VPS50: variants seen among roughly 807,000 people sequenced by gnomAD.
The protein encoded by VPS50 is VPS50 subunit of EARP/GARPII complex.
A neutral mutation model predicts 139.7 loss-of-function variants in VPS50; 70 were observed. The ratio of observed to expected loss-of-function variants is 0.50; its 90% CI spans 0.41 to 0.61. VPS50 has a LOEUF of 0.61. VPS50 is among the 20% of genes least tolerant of loss of function. VPS50 has a pLI of 0.00. For synonymous variants in VPS50, 365 were observed against 376.7 expected (o/e 0.97, Z 0.36); for missense variants, 921 against 1,133.7 (o/e 0.81, Z 2.69).
chr7:93,316,972 A>G (rs994141892), intron 20 of VPS50, among the ~76,000 whole-genome samples: 14 of 152,204 alleles, frequency 9.2e-5, no homozygotes, highest in African/African-American at 3.4e-4. Context: ...ACACAAAAAC[A>G]TGCAACACAA....
rs762383473 is a variant in VPS50, at chr7:93,272,625, A to T, written c.703-10A>T. 7.9e-7 allele frequency: 1 copy of T among 1,268,534 alleles called. No individual in the cohort carries two copies. The allele number at this position is 1,268,534 out of a possible 1,614,324, so 78.6% of individuals were successfully genotyped here. On this transcript the variant is annotated splice_polypyrimidine_tract_variant and intron_variant, in intron 10 of 27. Transcript: ENST00000305866. ...TTAACCATGTCTTGCTTCTTCTTTT[A>T]ATTATATAGGAACAGCTGGACGTAG...
intron 11 of VPS50, among the ~76,000 whole-genome samples, chr7:93,274,923 G>A (rs1796110117): frequency 6.6e-6 from 1 of 152,138 alleles, no homozygotes; most frequent in Admixed American, 6.6e-5. Context: ...ATGAGAGGAG[G>A]TCAAAATAGC....
Position 93,349,903 on chromosome 7 carries a change from A to G in VPS50, c.2333A>G (p.Lys778Arg). Reference sequence around the variant, plus strand: ...GTCTCAACCGCCAGTGAACTACGGAAACCAATTTACTGGATTGTAGCTGGT... The same window carrying G: ...GTCTCAACCGCCAGTGAACTACGGAGACCAATTTACTGGATTGTAGCTGGT... The part of the protein sequence containing the change: ...QTVSTASELR[K>R]PIYWIVAGKA... The change falls in exon 25 of 28, where the codon AAA (lysine) becomes AGA (arginine). Residue 778 changes from lysine (K) to arginine (R), a missense_variant. By Grantham distance (26) the Lys-to-Arg change is conservative. This residue lies in a region of VPS50 where 744 missense variants were observed against 930.6 expected (regional missense o/e 0.80). Coordinates refer to ENST00000305866, the MANE Select transcript of VPS50 (RefSeq NM_017667.4). 1 of 1,613,296 alleles carries G rather than the reference A, an allele frequency of 6.2e-7. No homozygotes were observed.
chr7:93,287,686 C>T (rs570858993), intron 12 of VPS50, among the ~76,000 whole-genome samples: 12 of 152,032 alleles, frequency 7.9e-5, no homozygotes, highest in Admixed American at 4.6e-4. Context: ...CACATTTATG[C>T]GAAGTTGGGC....
In VPS50 at chr7:93,323,731, C is replaced by A; in HGVS notation, c.1976C>A (p.Ser659Ter). The A allele has an allele frequency of 7.1e-7, 1 of 1,402,926 alleles. No homozygotes were observed. Among genetic ancestry groups the A allele is most frequent in the South Asian group, 1.5e-5 (1 of 66,292 alleles). 86.9% of individuals were successfully genotyped at this position (1,402,926 alleles called of 1,614,324 possible). ...AIYTFFGRND[S>*]LESTGLGLSS... Reference sequence around the variant, plus strand: ...TATACCTTTTTTGGTCGGAATGATTCAGTAAGTCCACCTTTAGAGGGAAAA... The same window carrying A: ...TATACCTTTTTTGGTCGGAATGATTAAGTAAGTCCACCTTTAGAGGGAAAA... The change falls in exon 21 of 28, where the codon TCA (serine) becomes TAA (stop). Residue 659 changes from serine (S) to a stop codon, truncating the protein, a stop_gained and splice_region_variant. Coordinates refer to ENST00000305866, the MANE Select transcript of VPS50 (RefSeq NM_017667.4). LOFTEE classifies it high-confidence loss of function.
intron 19 of VPS50, among the ~76,000 whole-genome samples, chr7:93,309,342 T>C (rs1183956480): frequency 6.6e-6 from 1 of 152,036 alleles, no homozygotes; most frequent in Non-Finnish European, 1.5e-5. Flanking sequence ...CATTGCTTTT[T>C]GTAGCAAGAT....
At chr7:93,322,898 GTTT>G (rs1185457276) in intron 20 of VPS50, among the ~76,000 whole-genome samples, 1 of 152,040 alleles carries the variant, frequency 6.6e-6, no homozygotes, top group African/African-American at 2.4e-5. Context: ...AATTCATTGT[GTTT>G]TTTGTTTTTC....
intron 22 of VPS50, among the ~76,000 whole-genome samples, chr7:93,337,316 C>T (rs1038793282): frequency 6.6e-6 from 1 of 152,156 alleles, no homozygotes; most frequent in Non-Finnish European, 1.5e-5. Flanking sequence ...GAAGGGAACT[C>T]AGTGCATTTG....
rs761057931 is a variant in VPS50 at position 93,271,205 on chromosome 7, T to G, written c.660-15T>G. ...CTCAGAAATAGAAAAAAACTGTTTT[T>G]TTTTTTTTTAATAGTGAACTGAATT... On this transcript the variant is annotated splice_polypyrimidine_tract_variant and intron_variant, in intron 9 of 27. Coordinates refer to ENST00000305866, the MANE Select transcript of VPS50 (RefSeq NM_017667.4). 46 of 1,562,914 alleles carry G rather than the reference T, an allele frequency of 2.9e-5. No individual in the cohort carries two copies. In the Middle Eastern group the frequency reaches 5.0e-4, roughly 17 times the overall value.
chr7:93,318,324 G>C (rs1387528066), intron 20 of VPS50, among the ~76,000 whole-genome samples: 3 of 152,042 alleles, frequency 2.0e-5, no homozygotes, highest in Non-Finnish European at 1.5e-5. Flanking sequence ...AAATAAACCT[G>C]GTAGCCAGGC....
intron 16 of VPS50, among the ~76,000 whole-genome samples, chr7:93,299,338 G>A (rs1796907926): frequency 1.3e-5 from 2 of 152,170 alleles, no homozygotes; most frequent in African/African-American, 4.8e-5. Flanking sequence ...ACATTAGCCA[G>A]TGATGAATCT....
At chr7:93,336,407 G>A (rs1382478662) in intron 22 of VPS50, among the ~76,000 whole-genome samples, 1 of 152,182 alleles carries the variant, frequency 6.6e-6, no homozygotes, top group Non-Finnish European at 1.5e-5. Context: ...AATAGGAAAA[G>A]TAAGAAAGGA....
At chr7:93,271,377 TG>T in intron 10 of VPS50, 115 bp downstream of exon 10, 1 of 1,317,616 alleles carries the variant, frequency 7.6e-7, no homozygotes, top group Non-Finnish European at 9.8e-7. Flanking sequence ...TCTAGATCAC[TG>T]TATTTCTTGA....
At chr7:93,246,147 GT>G in intron 2 of VPS50, 1 of 1,417,886 alleles carries the variant, frequency 7.1e-7, no homozygotes, top group Non-Finnish European at 9.6e-7. Flanking sequence ...TATAGCTTCC[GT>G]TTTCCCTATA....
At chr7:93,328,023 G>A (rs1797831021) in intron 21 of VPS50, among the ~76,000 whole-genome samples, 1 of 152,094 alleles carries the variant, frequency 6.6e-6, no homozygotes, top group South Asian at 2.1e-4. Context: ...TTAGTTCAAA[G>A]GATTACTCCT....
chr7:93,293,967 A>G (rs553181553), intron 13 of VPS50, among the ~76,000 whole-genome samples: 10 of 152,306 alleles, frequency 6.6e-5, no homozygotes, highest in Admixed American at 5.9e-4. Context: ...CAAAAGTTTC[A>G]TCTTTTTAAT....
chr7:93,293,644 C>T (rs185727805), intron 13 of VPS50, among the ~76,000 whole-genome samples: 31 of 152,266 alleles, frequency 2.0e-4, no homozygotes, highest in Non-Finnish European at 3.7e-4. Flanking sequence ...GGACTCTAGA[C>T]TTTATCTGCT....
At chr7:93,311,087 G>A (rs17165255) in intron 19 of VPS50, 79 bp from the exon 20 acceptor site, 13,860 of 752,760 alleles carry the variant, frequency 0.018, 500 homozygotes, top group African/African-American at 0.13. Context: ...AGTTAATAAA[G>A]GCTAGGGACC....
At position 93,311,213 on chromosome 7, in the gene VPS50, TA is replaced by T; in HGVS notation, c.1799del (p.Asn600IlefsTer3). 1 of 1,439,890 alleles carries T rather than the reference TA, an allele frequency of 6.9e-7. No individual in the cohort carries two copies. The highest frequency in any genetic ancestry group is 9.8e-7 in the Non-Finnish European group (1 of 1,021,362). 89.2% of individuals were successfully genotyped at this position (1,439,890 alleles called of 1,614,324 possible). A position where few individuals can be genotyped will look rare whatever the true frequency, so the allele number is the denominator to read the frequency against. On this transcript the variant is annotated frameshift_variant, in exon 20 of 28. Transcript: ENST00000305866. LOFTEE classifies it high-confidence loss of function. The stretch of plus-strand genomic sequence containing the variant: ...AGCAGGAAGAAATCAGATTACAGTC[TA>T]AATAAAGTGAATGCACCTATCTTAA... Reference protein sequence around the residue: ...LKSRKKSDYSLNKVNAPILTN... With the variant: ...LKSRKKSDYSXNKVNAPILTN...
Sources: gnomAD v4.1 joint callset for allele counts (sites outside exome capture counted in the v4.1 genomes callset) on GRCh38, gnomAD v4.1.1 for gene constraint, gnomAD v4.1.1 regional missense constraint, MANE v1.5 for transcripts, NCBI Gene and HGNC (gene_info 2026-07-23, HGNC 2026-07-21) for gene names.